The following ACSM3 variants were observed in gnomAD, a reference collection of about 807,000 sequenced individuals.
The protein encoded by ACSM3 is acyl-CoA synthetase medium chain family member 3.
ACSM3 carries 61 observed loss-of-function variants against 74.1 expected under a neutral mutation model. The observed-to-expected ratio is 0.82, with a 90% confidence interval of 0.67 to 1.02. The LOEUF is 1.02. Among genes scored for constraint, ACSM3 ranks in the 50% least tolerant of loss-of-function variants. The pLI is 0.00. For synonymous variants in ACSM3, 213 were observed against 241.5 expected (o/e 0.88, Z 1.09); for missense variants, 660 against 697.0 (o/e 0.95, Z 0.60).
At chr16:20,787,245 G>A (rs2080494655) in intron 9 of ACSM3, among the ~76,000 whole-genome samples, 1 of 152,176 alleles carries the variant, frequency 6.6e-6, no homozygotes, top group Non-Finnish European at 1.5e-5. Context: ...TGGCTGACTG[G>A]GAGCTGTGAC....
rs13306605 is a variant in ACSM3, at chr16:20,786,169, C to A, written c.1224+11C>A. On this transcript the variant is annotated intron_variant, in intron 9 of 13. Coordinates refer to ENST00000289416, the MANE Select transcript of ACSM3 (RefSeq NM_005622.4). ...GCTTTCGATGTTAAGGTTTGCACAT[C>A]CCCTTCCAGGAGAATGTTTAACAAC... 211 of 1,608,746 alleles carry A rather than the reference C, an allele frequency of 1.3e-4. 3 individuals are homozygous for A. In the East Asian group the frequency reaches 4.7e-3, roughly 36 times the overall value.
Position 20,777,500 on chromosome 16 carries a change from C to T in ACSM3, c.558C>T (p.Ser186=), listed in dbSNP as rs983176676. Residue 186 remains serine (S), a synonymous_variant, in exon 4 of 14, where the codon TCC becomes TCT. Transcript: ENST00000289416. ...VLAPAVDAVA[S]KCENLHSKLI... ...CCCCAGCAGTAGACGCTGTTGCATC[C>T]AAATGTGAAAATCTGCACTCCAAGC... The T allele has an allele frequency of 6.2e-6, 10 of 1,613,862 alleles. No individual in the cohort carries two copies. The highest frequency in any genetic ancestry group is 1.7e-5 in the Admixed American group (1 of 59,988).
In ACSM3 at chr16:20,735,262, C is replaced by T. The variant is rs185411929; in HGVS notation, c.-189-14648C>T. ...GGCTGTTTTATTGTAAGTACTCTGG[C>T]AATTCACCTTTCAATTCAAATATCC... On this transcript the variant is annotated intron_variant, in intron 1 of 3. Transcript: ENST00000561584. 51 of 152,242 alleles carry T rather than the reference C, an allele frequency of 3.3e-4. 2 individuals are homozygous for T. The South Asian group carries it at 3.9e-3, about 12-fold the overall frequency. 9.4% of individuals were successfully genotyped at this position (152,242 alleles called of 1,614,324 possible).
chr16:20,741,626 C>T (rs1194228600), intron 1 of ACSM3: 13 of 1,574,056 alleles, frequency 8.3e-6, no homozygotes, highest in African/African-American at 1.3e-5. Context: ...CGGGCTCTAG[C>T]TGACGGGGCC....
chr16:20,762,705 C>T (rs927144477), upstream of ACSM3, among the ~76,000 whole-genome samples: 1 of 152,050 alleles, frequency 6.6e-6, no homozygotes, highest in African/African-American at 2.4e-5. Context: ...AAAACACTTG[C>T]CAAAATTCAA....
intron 1 of ACSM3, chr16:20,737,609 C>T: frequency 8.1e-7 from 1 of 1,238,166 alleles, no homozygotes; most frequent in Non-Finnish European, 1.1e-6. Flanking sequence ...TTGTTCTACA[C>T]TCAAAAATGT....
chr16:20,773,073 T>C (rs898269894), intron 2 of ACSM3, among the ~76,000 whole-genome samples: 11 of 152,176 alleles, frequency 7.2e-5, no homozygotes, highest in Non-Finnish European at 1.2e-4. Flanking sequence ...CATTACATAT[T>C]ATTGGTCTAT....
intron 1 of ACSM3, among the ~76,000 whole-genome samples, chr16:20,731,929 C>T (rs1034588199): frequency 3.3e-5 from 5 of 152,250 alleles, no homozygotes; most frequent in Admixed American, 1.3e-4. Flanking sequence ...AGCCTTTAAT[C>T]AACTCTGCAA....
chr16:20,752,163 C>T (rs1567337410), intron 2 of ACSM3, among the ~76,000 whole-genome samples: 1 of 152,000 alleles, frequency 6.6e-6, no homozygotes, highest in Non-Finnish European at 1.5e-5. Flanking sequence ...ACTCTCCAGC[C>T]TGGGCGACAG....
chr16:20,778,227 G>A (rs2080279507), intron 4 of ACSM3, among the ~76,000 whole-genome samples: 2 of 152,196 alleles, frequency 1.3e-5, no homozygotes, highest in African/African-American at 4.8e-5. Flanking sequence ...TTTCACTGAT[G>A]TTGAAGCCTA....
chr16:20,680,404 T>C (rs879938504), intron 1 of ACSM3: 1 of 152,212 alleles, frequency 6.6e-6, no homozygotes, highest in African/African-American at 2.4e-5. Context: ...CAAAAACTTA[T>C]TTGCTCAACT....
At chr16:20,736,542 A>G (rs1332261854) in intron 1 of ACSM3, 4 of 225,984 alleles carry the variant, frequency 1.8e-5, no homozygotes. Context: ...CTTCCTTAGA[A>G]TGAAAACTTC....
intron 1 of ACSM3, among the ~76,000 whole-genome samples, chr16:20,714,132 G>C (rs2079753053): frequency 6.6e-6 from 1 of 151,916 alleles, no homozygotes; most frequent in Non-Finnish European, 1.5e-5. Context: ...ACCCTGTCCG[G>C]GACTCTGGAT....
At chr16:20,680,716 C>T (rs1159294685) in intron 1 of ACSM3, 4 of 152,220 alleles carry the variant, frequency 2.6e-5, no homozygotes, top group Non-Finnish European at 4.4e-5. Context: ...GAGAAGCACC[C>T]AGAATTACTC....
At chr16:20,733,332 TTTC>T (rs200337528) in intron 1 of ACSM3, among the ~76,000 whole-genome samples, 3,096 of 152,192 alleles carry the variant, frequency 0.02, 50 homozygotes, top group Non-Finnish European at 0.032. Flanking sequence ...TTCAAGACAA[TTTC>T]TTCTACTTAA....
chr16:20,679,658 A>C (rs191058230), intron 1 of ACSM3: 1 of 152,282 alleles, frequency 6.6e-6, no homozygotes, highest in East Asian at 1.9e-4. Context: ...CACTGTGTAC[A>C]TACTACCTGG....
At chr16:20,685,188 C>T (rs1371516243) in intron 1 of ACSM3, 1 of 1,614,178 alleles carries the variant, frequency 6.2e-7, no homozygotes, top group South Asian at 1.1e-5. Flanking sequence ...TCTTGCATCA[C>T]TGACCTGTTC....
intron 1 of ACSM3, chr16:20,729,362 GTAGA>G: frequency 7.1e-7 from 1 of 1,414,228 alleles, no homozygotes; most frequent in Non-Finnish European, 1.0e-6. Flanking sequence ...CTCTGGGTTT[GTAGA>G]TTTGCCACTC....
upstream of ACSM3, among the ~76,000 whole-genome samples, chr16:20,761,527 C>A (rs943982897): frequency 6.6e-6 from 1 of 152,120 alleles, no homozygotes; most frequent in East Asian, 1.9e-4. Context: ...TGGAGAATTG[C>A]TTGGTATAGT....
Sources: allele counts gnomAD v4.1 joint callset (sites outside exome capture counted in the v4.1 genomes callset), GRCh38; gene constraint gnomAD v4.1.1; transcripts MANE v1.5; gene names NCBI Gene and HGNC (gene_info 2026-07-23, HGNC 2026-07-21).